PDE1C: variants seen among roughly 807,000 people sequenced by gnomAD.
PDE1C encodes the protein dual specificity calcium/calmodulin-dependent 3',5'-cyclic nucleotide phosphodiesterase 1C.
PDE1C carries 62 observed loss-of-function variants against 93.1 expected under a neutral mutation model. The ratio of observed to expected loss-of-function variants is 0.67; its 90% confidence interval spans 0.54 to 0.82. The LOEUF (loss-of-function observed/expected upper bound fraction) is 0.82, where lower values mean the gene tolerates loss of function less well. PDE1C is among the 40% of genes least tolerant of loss of function. The pLI is 0.00. For missense variants in PDE1C, 742 were observed against 884.6 expected, an observed-to-expected ratio of 0.84 and a Z score of 2.04; for synonymous variants, 325 against 310.1, an observed-to-expected ratio of 1.05 and a Z score of -0.50.
chr7:31,642,290 C>T, the PDE1C span: 1 of 1,359,020 alleles, frequency 7.4e-7, no homozygotes, highest in South Asian at 1.3e-5. Flanking sequence ...CCCTGTTGCT[C>T]ATCCCTAACA....
chr7:32,256,920 T>C (rs1809834395), intron 1 of PDE1C, among the ~76,000 whole-genome samples: 1 of 152,218 alleles, frequency 6.6e-6, no homozygotes, highest in Non-Finnish European at 1.5e-5. Flanking sequence ...TCTACCTTCT[T>C]TGAGCAGGCC....
intron 3 of PDE1C, among the ~76,000 whole-genome samples, chr7:32,158,702 C>T (rs1801725363): frequency 2.0e-5 from 3 of 152,244 alleles, no homozygotes; most frequent in South Asian, 2.1e-4. Flanking sequence ...TTCGATGCTA[C>T]GTGTGCAGGA....
chr7:32,019,815 A>G (rs1788408610), intron 2 of PDE1C, among the ~76,000 whole-genome samples: 1 of 152,152 alleles, frequency 6.6e-6, no homozygotes, highest in Non-Finnish European at 1.5e-5. Context: ...CCCTTCACTG[A>G]AGTAGGGAAC....
chr7:32,090,182 A>ATT (rs1554500850), intron 3 of PDE1C, among the ~76,000 whole-genome samples: 3 of 149,490 alleles, frequency 2.0e-5, no homozygotes, highest in African/African-American at 7.7e-5. Context: ...AATAACATAA[A>ATT]TAAAAAAATA....
intron 1 of PDE1C, among the ~76,000 whole-genome samples, chr7:32,057,662 C>T (rs1179057198): frequency 6.6e-6 from 1 of 152,134 alleles, no homozygotes. Flanking sequence ...TGAAACTAAG[C>T]AAGCTTAAGG....
Position 32,043,528 on chromosome 7 carries a change from G to A in PDE1C, c.128+8026C>T, listed in dbSNP as rs80021457. ...CTCAAAACCATTTTGGCAAAACACC[G>A]CCAAACAGCCAAATGATGCACAACC... On this transcript the variant is annotated intron_variant, in intron 2 of 17. Coordinates refer to ENST00000396191, the MANE Select transcript of PDE1C (RefSeq NM_001191057.4). Among the ~76,000 whole-genome samples, 703 of 152,158 alleles carry A rather than the reference G, an allele frequency of 4.6e-3. 8 individuals are homozygous for A. The highest frequency in any genetic ancestry group is 0.016 in the African/African-American group (674 of 41,504).
At chr7:32,035,212 C>T (rs369710213) in intron 2 of PDE1C, among the ~76,000 whole-genome samples, 12 of 152,046 alleles carry the variant, frequency 7.9e-5, no homozygotes, top group South Asian at 4.2e-4. Context: ...CTAAGACAAA[C>T]GCCTCCACAA....
At chr7:32,117,272 A>T (rs1228218048) in intron 3 of PDE1C, among the ~76,000 whole-genome samples, 1 of 152,202 alleles carries the variant, frequency 6.6e-6, no homozygotes, top group African/African-American at 2.4e-5. Context: ...TTGACAAAAA[A>T]CTATGGCCAC....
the PDE1C span, among the ~76,000 whole-genome samples, chr7:31,666,920 A>G: frequency 1.3e-5 from 2 of 152,182 alleles, no homozygotes; most frequent in Non-Finnish European, 2.9e-5. Context: ...TGTCATGACA[A>G]AAGTCCAGCA....
At chr7:32,291,232 C>T (rs1276978895) in intron 1 of PDE1C, among the ~76,000 whole-genome samples, 1 of 152,228 alleles carries the variant, frequency 6.6e-6, no homozygotes, top group Admixed American at 6.5e-5. Context: ...AGTCAAACTC[C>T]AGAATCCAAC....
rs564925690 is a variant in PDE1C at position 31,805,466 on chromosome 7, A to T, written c.1891+3565T>A. On this transcript the variant is annotated intron_variant, in intron 16 of 17. Coordinates refer to ENST00000396191, the MANE Select transcript of PDE1C (RefSeq NM_001191057.4). ...GACCTCTAGAGTTTATCTCTCTGTA[A>T]TCCTCTTCTCTCCAGTATTTTATTC... Among the ~76,000 whole-genome samples the T allele has an allele frequency of 6.6e-5, 10 of 151,930 alleles. No individual in the cohort carries two copies. In the South Asian group the frequency reaches 2.1e-3, roughly 32 times the overall value.
At chr7:32,311,640 C>T (rs1295974120) in intron 1 of PDE1C, among the ~76,000 whole-genome samples, 1 of 151,964 alleles carries the variant, frequency 6.6e-6, no homozygotes, top group Non-Finnish European at 1.5e-5. Flanking sequence ...ATAAACAGAA[C>T]CAAAGATAAA....
At chr7:31,709,291 G>T in the PDE1C span, among the ~76,000 whole-genome samples, 265 of 152,270 alleles carry the variant, frequency 1.7e-3, 1 homozygote, top group African/African-American at 6.1e-3. Flanking sequence ...TGCCAAGCAA[G>T]CCCCTGGAAC....
intron 2 of PDE1C, among the ~76,000 whole-genome samples, chr7:32,019,770 C>T (rs888875606): frequency 6.6e-6 from 1 of 152,024 alleles, no homozygotes; most frequent in Non-Finnish European, 1.5e-5. Flanking sequence ...AAGGGTGACT[C>T]CCGGGTTTGT....
chr7:31,873,858 G>A (rs901604566), intron 5 of PDE1C, among the ~76,000 whole-genome samples: 3 of 152,184 alleles, frequency 2.0e-5, no homozygotes, highest in African/African-American at 7.2e-5. Context: ...ATTAAGCCCT[G>A]CAGCTGCTAC....
intron 2 of PDE1C, among the ~76,000 whole-genome samples, chr7:32,021,208 G>A (rs1788621430): frequency 6.6e-6 from 1 of 152,006 alleles, no homozygotes; most frequent in African/African-American, 2.4e-5. Flanking sequence ...CTTTCTGCCT[G>A]GATTTTCCCA....
upstream of PDE1C, chr7:32,071,264 G>C: frequency 1.0e-6 from 1 of 985,420 alleles, no homozygotes; most frequent in Non-Finnish European, 1.2e-6. Context: ...TTATCCTCCC[G>C]GGGCCAGGGC....
intron 2 of PDE1C, among the ~76,000 whole-genome samples, chr7:31,998,030 A>ATTTAT (rs1554456853): frequency 6.6e-6 from 1 of 150,708 alleles, no homozygotes; most frequent in Non-Finnish European, 1.5e-5. Flanking sequence ...TTATTTATTT[A>ATTTAT]TTTTTTTGAG....
intron 2 of PDE1C, among the ~76,000 whole-genome samples, chr7:31,991,326 TCTGAGGCAAA>T (rs1402362649): frequency 6.6e-6 from 1 of 152,162 alleles, no homozygotes; most frequent in Non-Finnish European, 1.5e-5. Context: ...GGTTAGGCCC[TCTGAGGCAAA>T]GATTGGAAAT....
Sources: gnomAD v4.1 joint callset for allele counts (sites outside exome capture counted in the v4.1 genomes callset) on GRCh38, gnomAD v4.1.1 for gene constraint, MANE v1.5 for transcripts, NCBI Gene and HGNC (gene_info 2026-07-23, HGNC 2026-07-21) for gene names.